SUMF1: variants seen among roughly 807,000 people sequenced by gnomAD.
The protein encoded by SUMF1 is formylglycine-generating enzyme.
SUMF1 carries 48 observed loss-of-function variants against 47.6 expected under a neutral mutation model. That is an observed-to-expected ratio of 1.01 (90% confidence interval 0.80 to 1.28). The LOEUF (loss-of-function observed/expected upper bound fraction) is 1.28. Among genes scored for constraint, SUMF1 ranks in the 50% most tolerant of loss-of-function variants. The pLI is 0.00. For synonymous variants in SUMF1, 230 were observed against 192.1 expected (o/e 1.20, Z -1.63); for missense variants, 571 against 485.4 (o/e 1.18, Z -1.66).
chr3:4,215,585 G>T (rs1391706153), intron 8 of SUMF1, among the ~76,000 whole-genome samples: 7 of 152,158 alleles, frequency 4.6e-5, no homozygotes, highest in Non-Finnish European at 8.8e-5. Context: ...ATTCAAATAG[G>T]AAGACAGGAA....
chr3:4,455,498 C>T (rs1462283917), intron 1 of SUMF1, among the ~76,000 whole-genome samples: 1 of 152,160 alleles, frequency 6.6e-6, no homozygotes, highest in Non-Finnish European at 1.5e-5. Context: ...GGTGGATCAC[C>T]TGAGGTCAAG....
At chr3:4,151,457 G>GTGTATATA (rs556358622) in intron 8 of SUMF1, among the ~76,000 whole-genome samples, 6 of 142,526 alleles carry the variant, frequency 4.2e-5, no homozygotes, top group South Asian at 2.2e-4. Context: ...ATGTATACAT[G>GTGTATATA]TGTATATATG....
At chr3:4,184,671 G>C (rs543213993) in intron 8 of SUMF1, among the ~76,000 whole-genome samples, 2 of 140,712 alleles carry the variant, frequency 1.4e-5, no homozygotes, top group Non-Finnish European at 3.1e-5. Context: ...TTTTTTTTGA[G>C]ACAGTCTTGC....
At chr3:4,215,294 ACAACATGATTATCTCAATAGAT>A (rs1695895653) in intron 8 of SUMF1, among the ~76,000 whole-genome samples, 1 of 152,214 alleles carries the variant, frequency 6.6e-6, no homozygotes, top group Admixed American at 6.5e-5. Flanking sequence ...AATGCCAAAA[ACAACATGATTATCTCAATAGAT>A]GCAGAAAAGG....
chr3:4,175,729 AC>A (rs373753561), intron 8 of SUMF1, among the ~76,000 whole-genome samples: 10 of 152,176 alleles, frequency 6.6e-5, no homozygotes, highest in African/African-American at 2.2e-4. Flanking sequence ...GTCAGTAATA[AC>A]AAACTTCTCC....
chr3:4,208,640 C>A (rs949584943), intron 8 of SUMF1, among the ~76,000 whole-genome samples: 2 of 151,678 alleles, frequency 1.3e-5, no homozygotes, highest in Non-Finnish European at 2.9e-5. Context: ...TAAGAAAGAA[C>A]CAAAAGACAT....
intron 8 of SUMF1, among the ~76,000 whole-genome samples, chr3:4,222,510 C>T (rs566921966): frequency 6.6e-6 from 1 of 152,112 alleles, no homozygotes; most frequent in South Asian, 2.1e-4. Context: ...TCAAATCCAA[C>T]CTGGATGTAC....
rs888075514 is a variant in SUMF1, at chr3:4,376,922, A to G, written c.955-533T>C. On this transcript the variant is annotated intron_variant, in intron 7 of 8. Coordinates refer to ENST00000272902, the MANE Select transcript of SUMF1 (RefSeq NM_182760.4). Reference sequence around the variant, plus strand: ...GCAATCCTCCCTCCTCAGCCTCCCAAGTAGCTAGAACCACAGGCATGAACC... The same window carrying G: ...GCAATCCTCCCTCCTCAGCCTCCCAGGTAGCTAGAACCACAGGCATGAACC... Among the ~76,000 whole-genome samples the G allele has an allele frequency of 2.7e-4, 41 of 152,048 alleles. 1 individual carries two copies. Among genetic ancestry groups the G allele is most frequent in the Non-Finnish European group, 1.3e-4 (9 of 67,990 alleles).
At chr3:4,301,935 G>A (rs1005583326) in intron 8 of SUMF1, among the ~76,000 whole-genome samples, 2 of 152,138 alleles carry the variant, frequency 1.3e-5, no homozygotes, top group African/African-American at 2.4e-5. Context: ...AAAGTTCAGG[G>A]AAGGGGAGCA....
At chr3:4,044,926 C>A (rs1354643367) in intron 9 of SUMF1, among the ~76,000 whole-genome samples, 2 of 151,988 alleles carry the variant, frequency 1.3e-5, no homozygotes, top group Non-Finnish European at 2.9e-5. Context: ...GGAAAAAATA[C>A]TTAAAGAGAT....
At chr3:4,380,401 A>G (rs28569261) in intron 7 of SUMF1, among the ~76,000 whole-genome samples, 29,672 of 152,140 alleles carry the variant, frequency 0.2, 3,008 homozygotes, top group Middle Eastern at 0.27. Context: ...GAAGAGAACA[A>G]TAGACACTGG....
At chr3:4,084,360 T>C (rs1357616545) in intron 8 of SUMF1, among the ~76,000 whole-genome samples, 9 of 152,166 alleles carry the variant, frequency 5.9e-5, no homozygotes, top group Admixed American at 3.9e-4. Context: ...AAAATGTCAA[T>C]AACAAGTACA....
intron 8 of SUMF1, among the ~76,000 whole-genome samples, chr3:4,079,925 A>G (rs745609109): frequency 2.0e-5 from 3 of 151,830 alleles, no homozygotes; most frequent in Non-Finnish European, 2.9e-5. Flanking sequence ...CTCAGGAAAC[A>G]TAATAATCTT....
chr3:4,236,676 T>C (rs934169866), intron 8 of SUMF1, among the ~76,000 whole-genome samples: 4 of 152,216 alleles, frequency 2.6e-5, no homozygotes, highest in African/African-American at 4.8e-5. Context: ...AGAGTTCTCA[T>C]ATATCCCTTG....
chr3:4,157,746 T>G (rs1404584294), intron 8 of SUMF1, among the ~76,000 whole-genome samples: 1 of 151,530 alleles, frequency 6.6e-6, no homozygotes, highest in Non-Finnish European at 1.5e-5. Context: ...TTTAAGTTCT[T>G]CCCACAGAAA....
chr3:4,441,349 C>A (rs1702580908), intron 3 of SUMF1, among the ~76,000 whole-genome samples: 1 of 152,180 alleles, frequency 6.6e-6, no homozygotes, highest in African/African-American at 2.4e-5. Context: ...AAGCTCTGGG[C>A]TCCCACTGAT....
At chr3:4,291,403 T>A (rs1697740355) in intron 8 of SUMF1, among the ~76,000 whole-genome samples, 1 of 152,116 alleles carries the variant, frequency 6.6e-6, no homozygotes, top group Admixed American at 6.6e-5. Flanking sequence ...CCTTGTCTCC[T>A]GCATTTCTCT....
At chr3:4,193,048 GCAGTC>G (rs997264039) in intron 8 of SUMF1, among the ~76,000 whole-genome samples, 2 of 151,976 alleles carry the variant, frequency 1.3e-5, no homozygotes, top group Non-Finnish European at 2.9e-5. Flanking sequence ...TTTTTTAAAT[GCAGTC>G]CAGATATGAA....
chr3:4,215,969 A>G (rs1695914129), intron 8 of SUMF1, among the ~76,000 whole-genome samples: 1 of 152,306 alleles, frequency 6.6e-6, no homozygotes, highest in African/African-American at 2.4e-5. Context: ...TACTGCCCAA[A>G]GTAATTTATA....
Sources: allele counts gnomAD v4.1 joint callset (sites outside exome capture counted in the v4.1 genomes callset), GRCh38; gene constraint gnomAD v4.1.1; transcripts MANE v1.5; gene names NCBI Gene and HGNC (gene_info 2026-07-23, HGNC 2026-07-21).